TADA2B: variants seen among roughly 807,000 people sequenced by gnomAD.
The protein encoded by TADA2B is transcriptional adapter 2-beta.
A neutral mutation model predicts 34.5 loss-of-function variants in TADA2B; 13 were observed. The observed-to-expected ratio is 0.38, with a 90% CI of 0.25 to 0.60. The LOEUF (loss-of-function observed/expected upper bound fraction) is 0.60. Among genes scored for constraint, TADA2B ranks in the 20% least tolerant of loss-of-function variants. The probability of loss-of-function intolerance (pLI) is 0.65; values close to 1 mark genes in which losing one functional copy is unlikely to be tolerated. For missense variants in TADA2B, 442 were observed against 575.0 expected, an observed-to-expected ratio of 0.77 and a Z score of 2.37; for synonymous variants, 240 against 243.4, an observed-to-expected ratio of 0.99 and a Z score of 0.13.
In TADA2B at chr4:7,043,699, C is replaced by T. The variant is rs1335393469; in HGVS notation, c.120C>T (p.Ala40=). ...ELCPECFSAG[A]EIGHHRRYHG... is the part of the protein sequence containing the mutation. ...GCCCCGAGTGCTTCTCGGCCGGCGCCGAGATCGGCCACCACCGCCGCTACC... is the reference window on the plus strand; with the variant it reads ...GCCCCGAGTGCTTCTCGGCCGGCGCTGAGATCGGCCACCACCGCCGCTACC... The change falls in exon 1 of 2, where the codon GCC becomes GCT. Residue 40 remains alanine (A), a synonymous_variant. Coordinates refer to ENST00000310074, the MANE Select transcript of TADA2B (RefSeq NM_152293.3). The T allele has an allele frequency of 6.3e-7, 1 of 1,586,944 alleles. No homozygotes were observed. Among genetic ancestry groups the T allele is most frequent in the South Asian group, 1.1e-5 (1 of 88,546 alleles).
Position 7,056,005 on chromosome 4 carries a change from A to G in TADA2B, c.*951A>G, listed in dbSNP as rs184142922. 264 of 152,284 alleles carry G rather than the reference A, an allele frequency of 1.7e-3. No individual in the cohort carries two copies. Among genetic ancestry groups the G allele is most frequent in the Admixed American group, 5.8e-3 (89 of 15,288 alleles). 9.4% of individuals were successfully genotyped at this position (152,284 alleles called of 1,614,324 possible). A position where few individuals can be genotyped will look rare whatever the true frequency, so the allele number is the denominator to read the frequency against. Reference sequence around the variant, plus strand: ...GAATTCTGGCGTCAGCTTCCTCAGGATTTTCTTCAGTTGCAAGTACCTTTC... The same window carrying G: ...GAATTCTGGCGTCAGCTTCCTCAGGGTTTTCTTCAGTTGCAAGTACCTTTC... On this transcript the variant is annotated 3_prime_UTR_variant, in exon 2 of 2. Coordinates refer to ENST00000310074, the MANE Select transcript of TADA2B (RefSeq NM_152293.3).
Position 7,054,512 on chromosome 4 carries a change from G to C in TADA2B, c.721G>C (p.Glu241Gln). Residue 241 changes from glutamate to glutamine, a missense_variant, in exon 2 of 2, where the codon GAA (glutamate) becomes CAA (glutamine). Glu to Gln is a conservative substitution (Grantham distance 29, BLOSUM62 2). Coordinates refer to ENST00000310074, the MANE Select transcript of TADA2B (RefSeq NM_152293.3). The part of the protein sequence containing the change: ...AFLGKDKKEK[E>Q]KALKRKITKE... ...CCTGGGGAAGGACAAGAAGGAGAAG[G>C]AAAAGGCGCTGAAGCGCAAGATCAC... 6.2e-7 allele frequency: 1 copy of C among 1,613,808 alleles called. No individual in the cohort carries two copies. Among genetic ancestry groups the C allele is most frequent in the Non-Finnish European group, 8.5e-7 (1 of 1,179,904 alleles).
In TADA2B at chr4:7,056,276, CCT is replaced by C. The variant is rs1470416953; in HGVS notation, c.*1225_*1226del. Reference sequence around the variant, plus strand: ...CTGCCTACAAGTTTTTCTCTGGGGTCCTCTTTCAAGGATGTCCACGGTACCTT... The same window carrying C: ...CTGCCTACAAGTTTTTCTCTGGGGTCCTTTCAAGGATGTCCACGGTACCTT... On this transcript the variant is annotated 3_prime_UTR_variant, in exon 2 of 2. Coordinates refer to ENST00000310074, the MANE Select transcript of TADA2B (RefSeq NM_152293.3). 6.6e-6 allele frequency: 1 copy of C among 152,646 alleles called. No individual in the cohort carries two copies. Among genetic ancestry groups the C allele is most frequent in the East Asian group, 1.9e-4 (1 of 5,186 alleles). The allele number at this position is 152,646 out of a possible 1,614,324, so 9.5% of individuals were successfully genotyped here.
At chr4:7,047,117 A>AG (rs1404342021) in intron 1 of TADA2B, among the ~76,000 whole-genome samples, 1 of 152,172 alleles carries the variant, frequency 6.6e-6, no homozygotes, top group Non-Finnish European at 1.5e-5. Context: ...GGTTCTGCGC[A>AG]GGATTCCAAG....
At chr4:7,045,851 G>C (rs1415806176) in intron 1 of TADA2B, 1 of 152,234 alleles carries the variant, frequency 6.6e-6, no homozygotes, top group Non-Finnish European at 1.5e-5. Context: ...CAAGACCTGG[G>C]GAACAAAAAC....
chr4:7,054,434 G>C lies in TADA2B; in HGVS notation c.643G>C (p.Glu215Gln). The part of the protein sequence containing the change: ...HVDMYVRKLK[E>Q]RQRRKNIARD... ...GGACATGTACGTGCGGAAGCTGAAA[G>C]AGAGACAGCGGCGGAAGAACATCGC... The change falls in exon 2 of 2, where the codon GAG becomes CAG. Residue 215 changes from glutamate to glutamine, a missense_variant. This residue lies in a region of TADA2B where 222 missense variants were observed against 235.2 expected (regional missense o/e 0.94). Coordinates refer to ENST00000310074, the MANE Select transcript of TADA2B (RefSeq NM_152293.3). 1 of 1,613,726 alleles carries C rather than the reference G, an allele frequency of 6.2e-7. No homozygotes were observed. Among genetic ancestry groups the C allele is most frequent in the Non-Finnish European group, 8.5e-7 (1 of 1,179,882 alleles).
At position 7,057,769 on chromosome 4, in the gene TADA2B, G is replaced by C. The variant is rs1361614892; in HGVS notation, c.*2715G>C. On this transcript the variant is annotated 3_prime_UTR_variant, in exon 2 of 2. Transcript: ENST00000310074. ...GCCACTACACTCCAGCCTGGTGACAGAGCAAGACTCCATCTCAAAAAAAAT... is the reference window on the plus strand; with the variant it reads ...GCCACTACACTCCAGCCTGGTGACACAGCAAGACTCCATCTCAAAAAAAAT... The C allele has an allele frequency of 1.6e-5, 2 of 128,792 alleles. No homozygotes were observed. Among genetic ancestry groups the C allele is most frequent in the Non-Finnish European group, 1.7e-5 (1 of 60,254 alleles). The allele number at this position is 128,792 out of a possible 1,614,324, so 8.0% of individuals were successfully genotyped here.
At position 7,053,895 on chromosome 4, in the gene TADA2B, G is replaced by C. The variant is rs900436939; in HGVS notation, c.271-167G>C. ...TTCAACATTGTCATCTCTCCCCTGA[G>C]CCCAGCTCATAAGACAGTGTGTGAC... On this transcript the variant is annotated intron_variant, in intron 1 of 1. Transcript: ENST00000310074. The C allele has an allele frequency of 4.3e-6, 3 of 701,964 alleles. No individual in the cohort carries two copies. In the African/African-American group the frequency reaches 5.4e-5, roughly 13 times the overall value. The allele number at this position is 701,964 out of a possible 1,614,324, so 43.5% of individuals were successfully genotyped here.
At chr4:7,047,605 T>A (rs796710125) in intron 1 of TADA2B, among the ~76,000 whole-genome samples, 1 of 152,188 alleles carries the variant, frequency 6.6e-6, no homozygotes, top group Non-Finnish European at 1.5e-5. Flanking sequence ...GCCCCTGTGG[T>A]GAGAACAGGC....
At position 7,056,401 on chromosome 4, in the gene TADA2B, C is replaced by T. The variant is rs1723893332; in HGVS notation, c.*1347C>T. 6.6e-6 allele frequency: 1 copy of T among 152,602 alleles called. No individual in the cohort carries two copies. Among genetic ancestry groups the T allele is most frequent in the African/African-American group, 2.4e-5 (1 of 41,442 alleles). The allele number at this position is 152,602 out of a possible 1,614,324, so 9.5% of individuals were successfully genotyped here. Reference sequence around the variant, plus strand: ...GAGAGTCTTTGGCGTGCTCAGACTCCAGCGCTCCGTTCTTCAAGGAGGTTG... The same window carrying T: ...GAGAGTCTTTGGCGTGCTCAGACTCTAGCGCTCCGTTCTTCAAGGAGGTTG... On this transcript the variant is annotated 3_prime_UTR_variant, in exon 2 of 2. Transcript: ENST00000310074.
In TADA2B at chr4:7,057,816, C is replaced by T. The variant is rs1047083345; in HGVS notation, c.*2762C>T. 6.6e-6 allele frequency: 1 copy of T among 151,814 alleles called. No individual in the cohort carries two copies. Among genetic ancestry groups the T allele is most frequent in the Non-Finnish European group, 1.5e-5 (1 of 67,976 alleles). The allele number at this position is 151,814 out of a possible 1,614,324, so 9.4% of individuals were successfully genotyped here. On this transcript the variant is annotated 3_prime_UTR_variant, in exon 2 of 2. Transcript: ENST00000310074. Reference sequence around the variant, plus strand: ...AAATCTAAGCAAACTATCTTTGAGTCAAAAAAAGTTGGATAACTCATCTAT... The same window carrying T: ...AAATCTAAGCAAACTATCTTTGAGTTAAAAAAAGTTGGATAACTCATCTAT...
chr4:7,055,576 G>A lies in TADA2B; in HGVS notation c.*522G>A, dbSNP rs550024362. On this transcript the variant is annotated 3_prime_UTR_variant, in exon 2 of 2. Transcript: ENST00000310074. ...GGGCAGCTTGGGCCCAGACTCCTCC[G>A]CTGTGTAGCAGATGAGGAAAATCAG... is the stretch of plus-strand genomic sequence containing the variant. The A allele has an allele frequency of 1.5e-3, 231 of 154,180 alleles. No individual in the cohort carries two copies. Among genetic ancestry groups the A allele is most frequent in the Non-Finnish European group, 2.9e-3 (202 of 69,304 alleles). 9.6% of individuals were successfully genotyped at this position (154,180 alleles called of 1,614,324 possible). A position where few individuals can be genotyped will look rare whatever the true frequency, so the allele number is the denominator to read the frequency against.
chr4:7,054,310 C>G lies in TADA2B; in HGVS notation c.519C>G (p.Tyr173Ter). 6.2e-7 allele frequency: 1 copy of G among 1,613,402 alleles called. No homozygotes were observed. Among genetic ancestry groups the G allele is most frequent in the Non-Finnish European group, 8.5e-7 (1 of 1,179,890 alleles). ...QLGYMPLRDD[Y>*]EIEYDQDAET... ...GCTACATGCCGCTGCGGGATGATTA[C>G]GAGATCGAGTATGACCAGGATGCCG... Residue 173 changes from tyrosine (Y) to a stop codon, truncating the protein, a stop_gained, in exon 2 of 2, where the codon TAC becomes TAG. Transcript: ENST00000310074. LOFTEE classifies it high-confidence loss of function.
In TADA2B at chr4:7,054,343, C is replaced by A; in HGVS notation, c.552C>A (p.Leu184=). 1 of 1,613,504 alleles carries A rather than the reference C, an allele frequency of 6.2e-7. No homozygotes were observed. The highest frequency in any genetic ancestry group is 8.5e-7 in the Non-Finnish European group (1 of 1,179,902). The change falls in exon 2 of 2, where the codon CTC becomes CTA. Residue 184 remains leucine (L), a synonymous_variant. Coordinates refer to ENST00000310074, the MANE Select transcript of TADA2B (RefSeq NM_152293.3). The part of the protein sequence containing the change: ...EIEYDQDAET[L]ISGLSVNYDD... ...AGTATGACCAGGATGCCGAGACGCT[C>A]ATCAGCGGGCTCTCTGTCAACTATG...
chr4:7,055,708 A>G lies in TADA2B; in HGVS notation c.*654A>G, dbSNP rs74672310. 0.014 allele frequency: 2,087 copies of G among 152,446 alleles called. 50 individuals are homozygous for G. The highest frequency in any genetic ancestry group is 0.048 in the African/African-American group (1,989 of 41,574). The allele number at this position is 152,446 out of a possible 1,614,324, so 9.4% of individuals were successfully genotyped here. On this transcript the variant is annotated 3_prime_UTR_variant, in exon 2 of 2. Coordinates refer to ENST00000310074, the MANE Select transcript of TADA2B (RefSeq NM_152293.3). ...ACCGGCGGCAGCAGTTTCAGCGTGC[A>G]GTTCCCAAACCCCAAAGCTGACCCT...
At chr4:7,051,028 A>G (rs1258862559) in intron 1 of TADA2B, among the ~76,000 whole-genome samples, 1 of 152,160 alleles carries the variant, frequency 6.6e-6, no homozygotes, top group Admixed American at 6.5e-5. Flanking sequence ...CTCCGTGGGA[A>G]GCGCACGGGG....
chr4:7,054,166 C>G lies in TADA2B; in HGVS notation c.375C>G (p.Pro125=), dbSNP rs751502914. The change falls in exon 2 of 2, where the codon CCC becomes CCG. Residue 125 remains proline, a synonymous_variant. Transcript: ENST00000310074. ...IHGNLGKACI[P]DTIPNRVTDH... Reference sequence around the variant, plus strand: ...GGAACCTGGGGAAGGCCTGCATCCCCGACACCATCCCCAACCGCGTGACAG... The same window carrying G: ...GGAACCTGGGGAAGGCCTGCATCCCGGACACCATCCCCAACCGCGTGACAG... 3 of 1,605,012 alleles carry G rather than the reference C, an allele frequency of 1.9e-6. No individual in the cohort carries two copies. The highest frequency in any genetic ancestry group is 1.7e-5 in the Admixed American group (1 of 58,804).
chr4:7,043,546 G>A lies in TADA2B; in HGVS notation c.-34G>A. ...TGACGGCCGGGGGCGCGGCGGCTGCGGCGGGCCGGGCGGCGGGCGGCGAGC... is the reference window on the plus strand; with the variant it reads ...TGACGGCCGGGGGCGCGGCGGCTGCAGCGGGCCGGGCGGCGGGCGGCGAGC... On this transcript the variant is annotated 5_prime_UTR_variant, in exon 1 of 2. Coordinates refer to ENST00000310074, the MANE Select transcript of TADA2B (RefSeq NM_152293.3). 1.7e-6 allele frequency: 2 copies of A among 1,189,130 alleles called. No homozygotes were observed. The highest frequency in any genetic ancestry group is 2.1e-6 in the Non-Finnish European group (2 of 957,524). 73.7% of individuals were successfully genotyped at this position (1,189,130 alleles called of 1,614,324 possible). A position where few individuals can be genotyped will look rare whatever the true frequency, so the allele number is the denominator to read the frequency against.
chr4:7,054,283 G>T lies in TADA2B; in HGVS notation c.492G>T (p.Leu164=), dbSNP rs749505234. ...LDISVAEQQQ[L]GYMPLRDDYE... is the part of the protein sequence containing the mutation. ...TCTCTGTGGCTGAGCAGCAGCAGCTGGGCTACATGCCGCTGCGGGATGATT... is the reference window on the plus strand; with the variant it reads ...TCTCTGTGGCTGAGCAGCAGCAGCTTGGCTACATGCCGCTGCGGGATGATT... The change falls in exon 2 of 2, where the codon CTG becomes CTT. Residue 164 remains leucine (L), a synonymous_variant. Transcript: ENST00000310074. 2.5e-6 allele frequency: 4 copies of T among 1,613,062 alleles called. No individual in the cohort carries two copies. The Admixed American group carries it at 6.7e-5, about 27-fold the overall frequency.
Sources: allele counts gnomAD v4.1 joint callset (sites outside exome capture counted in the v4.1 genomes callset), GRCh38; gene constraint gnomAD v4.1.1; regional missense constraint gnomAD v4.1.1; transcripts MANE v1.5; gene names NCBI Gene and HGNC (gene_info 2026-07-23, HGNC 2026-07-21).